The following GALM variants were observed in gnomAD, a reference collection of about 807,000 sequenced individuals.
GALM encodes the protein aldose 1-epimerase.
A neutral mutation model predicts 37.4 loss-of-function variants in GALM; 43 were observed. The ratio of observed to expected loss-of-function variants is 1.15; its 90% CI spans 0.90 to 1.48. The LOEUF is 1.48. Ranked by LOEUF, GALM falls within the 40% of genes most tolerant of loss-of-function variation. The pLI, the probability that GALM is intolerant of heterozygous loss-of-function variation, is 0.00. For missense variants in GALM, 456 were observed against 419.1 expected (o/e 1.09, Z -0.77); for synonymous variants, 199 against 170.6 (o/e 1.17, Z -1.30).
chr2:38,666,820 G>C (rs574436247), intron 1 of GALM, among the ~76,000 whole-genome samples: 2 of 152,118 alleles, frequency 1.3e-5, no homozygotes, highest in Non-Finnish European at 2.9e-5. Context: ...GGTTGTCTCA[G>C]AAATGCTCCA....
At chr2:38,731,970 A>T in intron 6 of GALM, 61 bp downstream of exon 6, 1 of 1,290,628 alleles carries the variant, frequency 7.7e-7, no homozygotes, top group Non-Finnish European at 1.1e-6. Flanking sequence ...TGTACGACAG[A>T]GTTCACTACA....
intron 1 of GALM, among the ~76,000 whole-genome samples, chr2:38,675,436 A>G (rs1480583571): frequency 1.3e-5 from 2 of 151,764 alleles, no homozygotes; most frequent in East Asian, 1.9e-4. Flanking sequence ...GAGGACTTTG[A>G]CATGCCCAAG....
chr2:38,697,194 T>A (rs1665830241), intron 4 of GALM, among the ~76,000 whole-genome samples: 1 of 152,140 alleles, frequency 6.6e-6, no homozygotes, highest in Non-Finnish European at 1.5e-5. Context: ...TAGGGAAACT[T>A]AGGGTAAATT....
At chr2:38,713,835 G>C (rs1666217135) in intron 4 of GALM, among the ~76,000 whole-genome samples, 1 of 151,884 alleles carries the variant, frequency 6.6e-6, no homozygotes, top group South Asian at 2.1e-4. Flanking sequence ...GTTCCAGGAG[G>C]TCGAGGTTGT....
At chr2:38,675,537 TTTTTTTTGTGTGTGTGTG>T (rs1484813513) in intron 1 of GALM, among the ~76,000 whole-genome samples, 1 of 90,068 alleles carries the variant, frequency 1.1e-5, no homozygotes, top group Admixed American at 1.2e-4. Context: ...TTTTTTTTTT[TTTTTTTTGTGTGTGTGTG>T]TGTGTGTGTG....
chr2:38,699,413 G>C (rs1264145782), intron 4 of GALM, among the ~76,000 whole-genome samples: 1 of 152,150 alleles, frequency 6.6e-6, no homozygotes, highest in Non-Finnish European at 1.5e-5. Flanking sequence ...AAAATCTGCT[G>C]TTCTAGCTAT....
Position 38,729,673 on chromosome 2 carries a change from C to A in GALM, c.752C>A (p.Ser251Tyr). 6.2e-7 allele frequency: 1 copy of A among 1,613,328 alleles called. No individual in the cohort carries two copies. Among genetic ancestry groups the A allele is most frequent in the South Asian group, 1.1e-5 (1 of 91,008 alleles). Residue 251 changes from serine to tyrosine, a missense_variant, in exon 5 of 7, where the codon TCT (serine) becomes TAT (tyrosine). Ser to Tyr is a moderately radical substitution (Grantham distance 144). Coordinates refer to ENST00000272252, the MANE Select transcript of GALM (RefSeq NM_138801.3). Reference protein sequence around the residue: ...GFDHNFCLKGSKEKHFCARVH... With the variant: ...GFDHNFCLKGYKEKHFCARVH... ...GACCACAATTTCTGTCTGAAGGGAT[C>A]TAAAGAAAAGCATTTTTGTGCAAGG...
rs751172717 is a variant in GALM at position 38,666,183 on chromosome 2, G to A, written c.22G>A (p.Val8Met). 9.3e-6 allele frequency: 15 copies of A among 1,613,130 alleles called. No homozygotes were observed. The Admixed American group carries it at 2.0e-4, about 22-fold the overall frequency. The stretch of plus-strand genomic sequence containing the variant: ...CCCTATGGCTTCGGTGACCAGGGCC[G>A]TGTTTGGAGAGCTGCCCTCGGGAGG... MASVTRA[V>M]FGELPSGGGT... Residue 8 changes from valine (V) to methionine (M), a missense_variant, in exon 1 of 7, where the codon GTG becomes ATG. Physicochemically the swap from Val to Met is conservative, Grantham distance 21 (BLOSUM62 1). Coordinates refer to ENST00000272252, the MANE Select transcript of GALM (RefSeq NM_138801.3).
chr2:38,729,243 A>T (rs1190174513), intron 4 of GALM, among the ~76,000 whole-genome samples: 1 of 151,668 alleles, frequency 6.6e-6, no homozygotes, highest in African/African-American at 2.4e-5. Context: ...GCTGGAGTGC[A>T]GTGGTGCAAT....
At chr2:38,671,239 T>C (rs544490300) in intron 1 of GALM, 1 of 152,320 alleles carries the variant, frequency 6.6e-6, no homozygotes, top group Admixed American at 6.5e-5. Flanking sequence ...ATTTGGGGAT[T>C]GTCACTTTTG....
At chr2:38,674,257 T>C (rs1046787408) in intron 1 of GALM, among the ~76,000 whole-genome samples, 1 of 151,828 alleles carries the variant, frequency 6.6e-6, no homozygotes, top group African/African-American at 2.4e-5. Flanking sequence ...TGGCATGATC[T>C]TGGCTCACTG....
At chr2:38,698,422 G>A in intron 4 of GALM, 5 of 1,303,396 alleles carry the variant, frequency 3.8e-6, no homozygotes, top group Non-Finnish European at 5.1e-6. Context: ...CATGGACCAG[G>A]AGCAAAGTTT....
intron 4 of GALM, among the ~76,000 whole-genome samples, chr2:38,713,715 G>A (rs1354086994): frequency 6.6e-6 from 1 of 151,976 alleles, no homozygotes; most frequent in Admixed American, 6.6e-5. Context: ...ACCAGTCTGA[G>A]CAACATAGAG....
intron 6 of GALM, 132 bp downstream of exon 6, chr2:38,732,041 A>G (rs1441123095): frequency 3.7e-6 from 3 of 804,612 alleles, no homozygotes; most frequent in African/African-American, 3.5e-5. Flanking sequence ...GTTTTTTGAG[A>G]CAGAGTCTCA....
At chr2:38,706,365 A>G (rs1206210093) in intron 4 of GALM, among the ~76,000 whole-genome samples, 1 of 150,288 alleles carries the variant, frequency 6.7e-6, no homozygotes, top group Non-Finnish European at 1.5e-5. Context: ...TGACCTGTCA[A>G]GATTGGCATT....
chr2:38,678,675 G>A (rs888734103), intron 2 of GALM, among the ~76,000 whole-genome samples: 2 of 152,086 alleles, frequency 1.3e-5, no homozygotes, highest in Non-Finnish European at 1.5e-5. Flanking sequence ...TTTTCACTAA[G>A]CTCAGTGAAA....
At chr2:38,685,959 C>A (rs1261496210) in intron 3 of GALM, among the ~76,000 whole-genome samples, 5 of 151,992 alleles carry the variant, frequency 3.3e-5, no homozygotes, top group Admixed American at 2.6e-4. Flanking sequence ...GTGATCCGCC[C>A]ATCTCGGCCT....
At chr2:38,733,221 A>C (rs1666641891) in intron 6 of GALM, among the ~76,000 whole-genome samples, 1 of 4,572 alleles carries the variant, frequency 2.2e-4, no homozygotes, top group Non-Finnish European at 5.8e-4. Flanking sequence ...ACTCCATCTC[A>C]AAAAAAAAAA....
intron 4 of GALM, among the ~76,000 whole-genome samples, chr2:38,702,928 C>CTT (rs910140132): frequency 8.3e-6 from 1 of 119,908 alleles, no homozygotes; most frequent in African/African-American, 3.2e-5. Context: ...TATATATATA[C>CTT]TTTTTATATA....
Sources: allele counts gnomAD v4.1 joint callset (sites outside exome capture counted in the v4.1 genomes callset), GRCh38; gene constraint gnomAD v4.1.1; transcripts MANE v1.5; gene names NCBI Gene and HGNC (gene_info 2026-07-23, HGNC 2026-07-21).